Variants in CLSTN1 observed in about 807,000 individuals in gnomAD.
CLSTN1 encodes the protein calsyntenin 1.
CLSTN1 carries 28 observed loss-of-function variants against 108.3 expected under a neutral mutation model. The ratio of observed to expected loss-of-function variants is 0.26; its 90% confidence interval spans 0.19 to 0.35. The LOEUF is 0.35. CLSTN1 is among the 10% of genes least tolerant of loss of function. CLSTN1 has a pLI of 1.00. For missense variants in CLSTN1, 1,157 were observed against 1,302.6 expected (o/e 0.89, Z 1.72); for synonymous variants, 524 against 534.9 (o/e 0.98, Z 0.28).
At chr1:9,755,662 A>C (rs1365632795) in intron 3 of CLSTN1, among the ~76,000 whole-genome samples, 1 of 152,198 alleles carries the variant, frequency 6.6e-6, no homozygotes. Flanking sequence ...GCCTGAGAAC[A>C]CCAGCGCTGC....
chr1:9,817,443 T>C (rs1210734515), intron 1 of CLSTN1, among the ~76,000 whole-genome samples: 2 of 152,156 alleles, frequency 1.3e-5, no homozygotes, highest in Admixed American at 6.5e-5. Flanking sequence ...TTCTCCTGCC[T>C]CAGCCTCCCG....
rs201556507 is a variant in CLSTN1 at position 9,749,751 on chromosome 1, G to C, written c.799+13C>G. ...AGAGCAGATGTGAGCGCAGGGGAGA[G>C]AATGAAGCTCACCTTGCCACCCAGG... On this transcript the variant is annotated intron_variant, in intron 6 of 18. Transcript: ENST00000377298. 36 of 1,613,936 alleles carry C rather than the reference G, an allele frequency of 2.2e-5. No individual in the cohort carries two copies. In the East Asian group the frequency reaches 7.8e-4, roughly 35 times the overall value.
intron 11 of CLSTN1, among the ~76,000 whole-genome samples, chr1:9,737,268 A>T (rs1030989570): frequency 2.7e-5 from 4 of 150,682 alleles, no homozygotes; most frequent in African/African-American, 9.8e-5. Flanking sequence ...TGGGGGGGGA[A>T]GTCCCATGCA....
intron 1 of CLSTN1, among the ~76,000 whole-genome samples, chr1:9,804,076 C>T (rs959877320): frequency 5.3e-5 from 8 of 151,716 alleles, no homozygotes; most frequent in African/African-American, 1.2e-4. Flanking sequence ...TTATTAAAGG[C>T]GAGGGGCCGG....
At chr1:9,783,290 G>C (rs1332547762) in intron 1 of CLSTN1, among the ~76,000 whole-genome samples, 2 of 152,006 alleles carry the variant, frequency 1.3e-5, no homozygotes, top group Non-Finnish European at 1.5e-5. Context: ...AGAAATCCAC[G>C]GTTTCCAGCC....
At chr1:9,735,725 G>T in intron 12 of CLSTN1, 110 bp from the exon 13 acceptor site, 2 of 1,518,474 alleles carry the variant, frequency 1.3e-6, no homozygotes, top group South Asian at 1.2e-5. Context: ...TTGAATTGCT[G>T]ACTTGAAAAA....
In CLSTN1 at chr1:9,734,981, C is replaced by G; in HGVS notation, c.2077G>C (p.Glu693Gln). ...TCCTCAGCCCCGTCCCCTTCAGGCT[C>G]CACTTCTCTCGTGATGGTGCTGATG... ...RIISTITREV[E>Q]PEGDGAEDPT... Residue 693 changes from glutamate to glutamine, a missense_variant, in exon 14 of 19, where the codon GAG becomes CAG. Glu to Gln is a conservative substitution (Grantham distance 29). Transcript: ENST00000377298. The surrounding 1 kb of genome is among the most constrained non-coding windows in gnomAD (Gnocchi z 4.8). 1 of 1,614,196 alleles carries G rather than the reference C, an allele frequency of 6.2e-7. No homozygotes were observed. The highest frequency in any genetic ancestry group is 2.2e-5 in the East Asian group (1 of 44,882).
chr1:9,786,648 C>CAA (rs36003203), intron 1 of CLSTN1, among the ~76,000 whole-genome samples: 6,461 of 35,760 alleles, frequency 0.18, 958 homozygotes, highest in African/African-American at 0.27. Flanking sequence ...GACTCCGTCT[C>CAA]AAAAAAAAAA....
chr1:9,805,820 T>C lies in CLSTN1; in HGVS notation c.91+17823A>G, dbSNP rs1333913696. Among the ~76,000 whole-genome samples the C allele has an allele frequency of 5.3e-5, 8 of 149,558 alleles. No homozygotes were observed. In the East Asian group the frequency reaches 1.6e-3, roughly 30 times the overall value. On this transcript the variant is annotated intron_variant, in intron 1 of 18. Transcript: ENST00000377298. The stretch of plus-strand genomic sequence containing the variant: ...AGGCGGAGGTTGCAGTGAGCCAAGA[T>C]TGTGCCACTGCACTCCAGCCTGGGT...
intron 7 of CLSTN1, 126 bp downstream of exon 7, chr1:9,749,335 C>T: frequency 9.8e-7 from 1 of 1,019,168 alleles, no homozygotes; most frequent in Non-Finnish European, 1.4e-6. Context: ...AAGTTCACTT[C>T]AGAAATGCAG....
rs757264934 is a variant in CLSTN1 at position 9,731,304 on chromosome 1, C to T, written c.2650G>A (p.Ala884Thr). 6.2e-7 allele frequency: 1 copy of T among 1,614,114 alleles called. No individual in the cohort carries two copies. Among genetic ancestry groups the T allele is most frequent in the East Asian group, 2.2e-5 (1 of 44,890 alleles). ...TCCCGCATGGTCCGCCGATGTGCGG[C>T]CCGGATCCGAAATACCCCCAGGATA... ...MIILGVFRIR[A>T]AHRRTMRDQD... is the part of the protein sequence containing the mutation. The change falls in exon 18 of 19, where the codon GCC becomes ACC. Residue 884 changes from alanine (A) to threonine (T), a missense_variant. Transcript: ENST00000377298.
chr1:9,763,341 G>C (rs1652176403), intron 2 of CLSTN1, among the ~76,000 whole-genome samples: 1 of 152,212 alleles, frequency 6.6e-6, no homozygotes, highest in Admixed American at 6.5e-5. Context: ...GACTACAGCA[G>C]TGGCTCTCAA....
intron 1 of CLSTN1, among the ~76,000 whole-genome samples, chr1:9,796,352 A>G (rs539866092): frequency 6.6e-4 from 100 of 150,650 alleles, no homozygotes; most frequent in African/African-American, 2.3e-3. Flanking sequence ...GTGACTGAGG[A>G]CAAGATGGTG....
At chr1:9,784,485 G>A (rs912392131) in intron 1 of CLSTN1, among the ~76,000 whole-genome samples, 1 of 152,170 alleles carries the variant, frequency 6.6e-6, no homozygotes, top group Non-Finnish European at 1.5e-5. Flanking sequence ...TCCAGCCTCA[G>A]GGAGAACAAG....
Position 9,737,502 on chromosome 1 carries a change from A to C in CLSTN1, c.1572T>G (p.Ser524=). 6.2e-7 allele frequency: 1 copy of C among 1,613,884 alleles called. No homozygotes were observed. The highest frequency in any genetic ancestry group is 8.5e-7 in the Non-Finnish European group (1 of 1,179,742). Residue 524 remains serine (S), a synonymous_variant, in exon 11 of 19, where the codon TCT becomes TCG. Coordinates refer to ENST00000377298, the MANE Select transcript of CLSTN1 (RefSeq NM_001009566.3). ...DNETEPVTVA[S]AGGDLHMTQF... ...GTAGGGAAAAAATCCAGCAACCTGCAGAGGCCACAGTCACAGGCTCAGTTT... is the reference window on the plus strand; with the variant it reads ...GTAGGGAAAAAATCCAGCAACCTGCCGAGGCCACAGTCACAGGCTCAGTTT...
At chr1:9,764,096 G>A (rs1652207404) in intron 2 of CLSTN1, among the ~76,000 whole-genome samples, 1 of 146,794 alleles carries the variant, frequency 6.8e-6, no homozygotes, top group Non-Finnish European at 1.5e-5. Context: ...CACATGGTGA[G>A]GGAGAAAGAA....
chr1:9,818,368 C>T (rs1328013503), intron 1 of CLSTN1, among the ~76,000 whole-genome samples: 8 of 151,344 alleles, frequency 5.3e-5, no homozygotes, highest in East Asian at 3.9e-4. Flanking sequence ...CTCACTCTGT[C>T]GCCAGGCTGG....
chr1:9,799,822 T>C (rs1203796767), intron 1 of CLSTN1, among the ~76,000 whole-genome samples: 1 of 151,484 alleles, frequency 6.6e-6, no homozygotes, highest in Non-Finnish European at 1.5e-5. Flanking sequence ...GTGCCTGTAG[T>C]CCTAGCTGCT....
intron 16 of CLSTN1, among the ~76,000 whole-genome samples, chr1:9,732,302 A>G (rs181798510): frequency 2.0e-3 from 310 of 152,214 alleles, no homozygotes; most frequent in Non-Finnish European, 3.7e-3. Flanking sequence ...CTGCTCAAGT[A>G]ATCCTCCCAC....
Sources: allele counts gnomAD v4.1 joint callset (sites outside exome capture counted in the v4.1 genomes callset), GRCh38; gene constraint gnomAD v4.1.1; non-coding constraint Gnocchi (gnomAD v3.1); transcripts MANE v1.5; gene names NCBI Gene and HGNC (gene_info 2026-07-23, HGNC 2026-07-21).